LINGO2: variants seen among roughly 807,000 people sequenced by gnomAD.
LINGO2 encodes leucine rich repeat and Ig domain containing 2, also known as leucine-rich repeat and immunoglobulin-like domain-containing nogo receptor-interacting protein 2.
Under a neutral mutation model 30.6 loss-of-function variants are expected in LINGO2, and 14 were observed. That is an observed-to-expected ratio of 0.46 (90% confidence interval 0.30 to 0.72). The LOEUF (loss-of-function observed/expected upper bound fraction) is 0.72, where lower values mean the gene tolerates loss of function less well. Among genes scored for constraint, LINGO2 ranks in the 30% least tolerant of loss-of-function variants. The pLI, the probability that LINGO2 is intolerant of heterozygous loss-of-function variation, is 0.07. For synonymous variants in LINGO2, 317 were observed against 288.5 expected (o/e 1.10, Z -1.00); for missense variants, 729 against 751.7 (o/e 0.97, Z 0.35).
chr9:28,450,624 C>T (rs954362741), intron 2 of LINGO2, among the ~76,000 whole-genome samples: 1 of 152,024 alleles, frequency 6.6e-6, no homozygotes. Flanking sequence ...TTAAACATTT[C>T]TCTACCTAAT....
intron 1 of LINGO2, among the ~76,000 whole-genome samples, chr9:28,616,605 T>C (rs1004957859): frequency 3.3e-5 from 5 of 152,220 alleles, no homozygotes; most frequent in African/African-American, 1.2e-4. Context: ...TAAACATCCT[T>C]TGCACATATA....
chr9:28,875,176 C>T, the LINGO2 span, among the ~76,000 whole-genome samples: 4 of 152,040 alleles, frequency 2.6e-5, no homozygotes, highest in East Asian at 1.9e-4. Flanking sequence ...TTTTGAAAAA[C>T]TTCAAATCTA....
intron 4 of LINGO2, among the ~76,000 whole-genome samples, chr9:28,202,319 G>A (rs371252647): frequency 7.2e-5 from 11 of 151,998 alleles, no homozygotes; most frequent in African/African-American, 2.4e-4. Flanking sequence ...GACTCCATAG[G>A]TCTGATATGG....
chr9:29,058,611 A>G, the LINGO2 span, among the ~76,000 whole-genome samples: 1 of 151,996 alleles, frequency 6.6e-6, no homozygotes, highest in Non-Finnish European at 1.5e-5. Flanking sequence ...GAAGCTCATT[A>G]AGTCACAACA....
the LINGO2 span, among the ~76,000 whole-genome samples, chr9:29,009,683 T>A: frequency 1.3e-5 from 2 of 152,070 alleles, no homozygotes; most frequent in African/African-American, 4.8e-5. Flanking sequence ...AAAACAACTT[T>A]AAAGTTCATA....
At chr9:28,254,048 G>A (rs1347321940) in intron 4 of LINGO2, among the ~76,000 whole-genome samples, 1 of 151,974 alleles carries the variant, frequency 6.6e-6, no homozygotes, top group African/African-American at 2.4e-5. Flanking sequence ...CACCCTTCAA[G>A]GTGTCTGTGA....
chr9:28,835,653 C>G, the LINGO2 span, among the ~76,000 whole-genome samples: 1 of 152,214 alleles, frequency 6.6e-6, no homozygotes, highest in Non-Finnish European at 1.5e-5. Context: ...CACTGATCAA[C>G]TGAACAAGCA....
At chr9:28,563,874 T>C (rs1294312857) in intron 1 of LINGO2, among the ~76,000 whole-genome samples, 1 of 152,136 alleles carries the variant, frequency 6.6e-6, no homozygotes, top group Non-Finnish European at 1.5e-5. Context: ...CTGTGGTATC[T>C]CTGCCAACGG....
chr9:28,565,505 T>TG (rs1019445103), intron 1 of LINGO2, among the ~76,000 whole-genome samples: 1 of 150,838 alleles, frequency 6.6e-6, no homozygotes, highest in Non-Finnish European at 1.5e-5. Context: ...ATTTTTATTT[T>TG]TTTTTTTTTA....
the LINGO2 span, among the ~76,000 whole-genome samples, chr9:28,732,884 G>A: frequency 2.0e-5 from 3 of 152,092 alleles, no homozygotes; most frequent in African/African-American, 7.2e-5. Context: ...CTGGCCGGAT[G>A]CAAGAAATCC....
At chr9:28,134,503 G>T (rs982732807) in intron 4 of LINGO2, among the ~76,000 whole-genome samples, 4 of 152,220 alleles carry the variant, frequency 2.6e-5, no homozygotes, top group Non-Finnish European at 4.4e-5. Flanking sequence ...GTGCCACTAC[G>T]ATCTGGGCAG....
At chr9:28,062,001 T>G (rs1825159689) in intron 4 of LINGO2, among the ~76,000 whole-genome samples, 1 of 152,230 alleles carries the variant, frequency 6.6e-6, no homozygotes, top group East Asian at 1.9e-4. Context: ...TGGGAATAAA[T>G]GAGATAGAGG....
chr9:28,380,410 G>A (rs969015910), intron 2 of LINGO2, among the ~76,000 whole-genome samples: 2 of 139,068 alleles, frequency 1.4e-5, no homozygotes, highest in Non-Finnish European at 3.2e-5. Context: ...TTTTCCAATG[G>A]TAAGAGTCTT....
At chr9:28,940,099 T>G in the LINGO2 span, among the ~76,000 whole-genome samples, 1 of 152,176 alleles carries the variant, frequency 6.6e-6, no homozygotes, top group Non-Finnish European at 1.5e-5. Flanking sequence ...CCAACTTTAG[T>G]CATCCTCTTA....
intron 4 of LINGO2, among the ~76,000 whole-genome samples, chr9:28,136,137 T>C (rs1827510660): frequency 6.6e-6 from 1 of 152,224 alleles, no homozygotes; most frequent in Non-Finnish European, 1.5e-5. Context: ...TTTAAGTCTT[T>C]GTATACCTTG....
At chr9:28,808,114 T>G in the LINGO2 span, among the ~76,000 whole-genome samples, 1 of 152,160 alleles carries the variant, frequency 6.6e-6, no homozygotes, top group Non-Finnish European at 1.5e-5. Flanking sequence ...ATAATTCCAG[T>G]TTTTTCTCTC....
chr9:28,946,621 C>T, the LINGO2 span, among the ~76,000 whole-genome samples: 1 of 152,154 alleles, frequency 6.6e-6, no homozygotes, highest in Admixed American at 6.5e-5. Flanking sequence ...AAAAGTGAAA[C>T]CATACATTGA....
intron 1 of LINGO2, among the ~76,000 whole-genome samples, chr9:28,514,824 T>C (rs1019824821): frequency 1.1e-4 from 17 of 152,110 alleles, no homozygotes; most frequent in Non-Finnish European, 1.5e-5. Context: ...GCCTTCAATG[T>C]AGACAAAACA....
intron 1 of LINGO2, among the ~76,000 whole-genome samples, chr9:28,496,798 A>G (rs1298553062): frequency 5.9e-5 from 9 of 151,584 alleles, no homozygotes; most frequent in South Asian, 2.1e-4. Flanking sequence ...GGCTGGTACC[A>G]GTTGTTCCTT....
Sources: allele counts gnomAD v4.1 joint callset (sites outside exome capture counted in the v4.1 genomes callset), GRCh38; gene constraint gnomAD v4.1.1; transcripts MANE v1.5; gene names NCBI Gene and HGNC (gene_info 2026-07-23, HGNC 2026-07-21).